KLHL8: variants seen among roughly 807,000 people sequenced by gnomAD.
KLHL8 encodes kelch like family member 8.
A neutral mutation model predicts 63.5 loss-of-function variants in KLHL8; 38 were observed. The observed-to-expected ratio is 0.60, with a 90% CI of 0.46 to 0.78. KLHL8 has a LOEUF of 0.78. Among genes scored for constraint, KLHL8 ranks in the 30% least tolerant of loss-of-function variants. The probability of loss-of-function intolerance (pLI) is 0.00; values close to 1 mark genes in which losing one functional copy is unlikely to be tolerated. For missense variants in KLHL8, 566 were observed against 752.4 expected, an observed-to-expected ratio of 0.75 and a Z score of 2.90; for synonymous variants, 224 against 254.3, an observed-to-expected ratio of 0.88 and a Z score of 1.13.
At chr4:87,210,410 G>A (rs1001458778) in intron 1 of KLHL8, among the ~76,000 whole-genome samples, 5 of 152,160 alleles carry the variant, frequency 3.3e-5, no homozygotes, top group Non-Finnish European at 5.9e-5. Context: ...GAACCTGGCA[G>A]GCAGAGCTTG....
intron 6 of KLHL8, among the ~76,000 whole-genome samples, chr4:87,175,459 T>A (rs568650675): frequency 3.3e-5 from 5 of 152,208 alleles, no homozygotes; most frequent in Non-Finnish European, 5.9e-5. Context: ...CACCATGTTA[T>A]GTTGTACTCG....
intron 1 of KLHL8, among the ~76,000 whole-genome samples, chr4:87,215,120 G>A (rs1352765536): frequency 6.6e-6 from 1 of 152,174 alleles, no homozygotes; most frequent in Admixed American, 6.5e-5. Flanking sequence ...AGGTTTAAGT[G>A]TAGGAGAAGC....
Position 87,195,419 on chromosome 4 carries a change from A to T in KLHL8, c.121T>A (p.Ser41Thr), listed in dbSNP as rs201280463. Residue 41 changes from serine (S) to threonine (T), a missense_variant, in exon 2 of 10, where the codon TCC becomes ACC. By Grantham distance (58) the Ser-to-Thr change is moderately conservative. Coordinates refer to ENST00000273963, the MANE Select transcript of KLHL8 (RefSeq NM_020803.5). ...SSISDGDGED[S>T]FIFEANEAWK... is the part of the protein sequence containing the mutation. ...GCTTCATTTGCTTCAAAAATAAAGG[A>T]ATCTTCTCCATCACCATCACTAATT... 1.2e-6 allele frequency: 2 copies of T among 1,613,828 alleles called. No individual in the cohort carries two copies. Among genetic ancestry groups the T allele is most frequent in the Non-Finnish European group, 1.7e-6 (2 of 1,179,866 alleles).
chr4:87,239,174 A>G (rs934677053), intron 1 of KLHL8, among the ~76,000 whole-genome samples: 2 of 152,208 alleles, frequency 1.3e-5, no homozygotes, highest in African/African-American at 2.4e-5. Flanking sequence ...TTATTTTAAG[A>G]TAAGTGGAGA....
In KLHL8 at chr4:87,185,539, G is replaced by C; in HGVS notation, c.477C>G (p.Tyr159Ter). The C allele has an allele frequency of 4.3e-6, 7 of 1,614,170 alleles. No homozygotes were observed. Among genetic ancestry groups the C allele is most frequent in the Non-Finnish European group, 5.9e-6 (7 of 1,180,032 alleles). The part of the protein sequence containing the change: ...VELVARACCE[Y>*]MKLHFHPSNC... ...TGGAGGGATGAAAATGTAACTTCAT[G>C]TATTCACAACAAGCTCTAGCCACCA... The change falls in exon 3 of 10, where the codon TAC (tyrosine) becomes TAG (stop). Residue 159 changes from tyrosine to a stop codon, truncating the protein, a stop_gained. Coordinates refer to ENST00000273963, the MANE Select transcript of KLHL8 (RefSeq NM_020803.5). LOFTEE classifies it high-confidence loss of function.
Position 87,207,674 on chromosome 4 carries a change from G to GT in KLHL8, c.-151-11985dup, listed in dbSNP as rs144852708. 3.5e-3 allele frequency: 3,800 copies of GT among 1,097,496 alleles called. 103 individuals are homozygous for GT. In the African/African-American group the frequency reaches 0.052, roughly 15 times the overall value. 68.0% of individuals were successfully genotyped at this position (1,097,496 alleles called of 1,614,324 possible). A position where few individuals can be genotyped will look rare whatever the true frequency, so the allele number is the denominator to read the frequency against. On this transcript the variant is annotated intron_variant, in intron 1 of 9. Transcript: ENST00000273963. Reference sequence around the variant, plus strand: ...GATGGCCCCTCTGGGAAACTGTGGCGTGACAGCTGCAGGGCTCTCCAGAAC... The same window carrying GT: ...GATGGCCCCTCTGGGAAACTGTGGCGTTGACAGCTGCAGGGCTCTCCAGAAC...
chr4:87,205,618 C>T (rs1014526834), intron 1 of KLHL8, among the ~76,000 whole-genome samples: 1 of 152,172 alleles, frequency 6.6e-6, no homozygotes, highest in Non-Finnish European at 1.5e-5. Context: ...CGTGCACCAC[C>T]ATACAGGGCT....
intron 2 of KLHL8, among the ~76,000 whole-genome samples, chr4:87,191,925 C>T (rs988435990): frequency 8.5e-5 from 13 of 152,078 alleles, no homozygotes; most frequent in African/African-American, 3.1e-4. Flanking sequence ...GTGTATGTTG[C>T]TGCAAATAAC....
chr4:87,170,756 C>G (rs1482199137), intron 6 of KLHL8, 141 bp from the exon 7 acceptor site: 9 of 786,222 alleles, frequency 1.1e-5, no homozygotes, highest in Non-Finnish European at 1.8e-5. Context: ...TTAGATCTAT[C>G]AAAGCTTTTG....
chr4:87,229,509 G>A (rs1453146413), intron 1 of KLHL8, among the ~76,000 whole-genome samples: 3 of 148,618 alleles, frequency 2.0e-5, no homozygotes, highest in East Asian at 4.0e-4. Flanking sequence ...ATCTTGGCTC[G>A]CAACCTCTGC....
intron 1 of KLHL8, among the ~76,000 whole-genome samples, chr4:87,205,855 G>A (rs1732106796): frequency 6.6e-6 from 1 of 152,228 alleles, no homozygotes. Flanking sequence ...GCCCAAGTAA[G>A]TGGTGGAGCC....
intron 2 of KLHL8, among the ~76,000 whole-genome samples, chr4:87,193,674 A>C (rs990868457): frequency 5.3e-5 from 8 of 152,226 alleles, no homozygotes; most frequent in African/African-American, 1.9e-4. Flanking sequence ...CATGTGTTAT[A>C]CCTTTTATAC....
intron 6 of KLHL8, among the ~76,000 whole-genome samples, chr4:87,172,136 G>T (rs948696220): frequency 1.3e-5 from 2 of 152,142 alleles, no homozygotes; most frequent in Non-Finnish European, 2.9e-5. Flanking sequence ...AAGCAGAGAG[G>T]TTTCTCCAGC....
At chr4:87,195,737 A>C in intron 1 of KLHL8, 47 bp from the exon 2 acceptor site, 1 of 479,698 alleles carries the variant, frequency 2.1e-6, no homozygotes. Context: ...AAAAGAAAAA[A>C]ATTATTGTTA....
chr4:87,210,364 C>A (rs1357750893), intron 1 of KLHL8, among the ~76,000 whole-genome samples: 1 of 152,102 alleles, frequency 6.6e-6, no homozygotes, highest in East Asian at 1.9e-4. Context: ...GCCTGTAGTC[C>A]CAGCTACTCG....
intron 1 of KLHL8, among the ~76,000 whole-genome samples, chr4:87,209,153 A>G (rs1041542963): frequency 2.6e-5 from 4 of 151,752 alleles, no homozygotes; most frequent in African/African-American, 4.8e-5. Flanking sequence ...ATGTAATTCA[A>G]CCTACACTCC....
chr4:87,236,393 G>A (rs1165848829), intron 1 of KLHL8, among the ~76,000 whole-genome samples: 2 of 151,684 alleles, frequency 1.3e-5, no homozygotes, highest in East Asian at 3.9e-4. Flanking sequence ...ATTTTTGGTA[G>A]AGACGGGATT....
intron 1 of KLHL8, among the ~76,000 whole-genome samples, chr4:87,212,065 A>T (rs1732426837): frequency 1.3e-5 from 2 of 152,208 alleles, no homozygotes; most frequent in South Asian, 4.1e-4. Context: ...ATCAATGAGA[A>T]TATTTAAAAA....
chr4:87,184,703 T>A (rs1285080539), intron 3 of KLHL8, among the ~76,000 whole-genome samples: 1 of 152,106 alleles, frequency 6.6e-6, no homozygotes, highest in Non-Finnish European at 1.5e-5. Flanking sequence ...TATAATCTTC[T>A]TATCCTGGTA....
Sources: allele counts gnomAD v4.1 joint callset (sites outside exome capture counted in the v4.1 genomes callset), GRCh38; gene constraint gnomAD v4.1.1; transcripts MANE v1.5; gene names NCBI Gene and HGNC (gene_info 2026-07-23, HGNC 2026-07-21).